SPTBN4: variants seen among roughly 807,000 people sequenced by gnomAD.
The protein encoded by SPTBN4 is spectrin beta, non-erythrocytic 4, also known as spectrin beta chain, non-erythrocytic 4.
In SPTBN4, 96 loss-of-function variants were observed where a neutral mutation model predicts 277.8. That is an observed-to-expected ratio of 0.35 (90% confidence interval 0.29 to 0.41). The LOEUF is 0.41. Ranked by LOEUF, SPTBN4 falls within the 10% of genes least tolerant of loss-of-function variation. SPTBN4 has a pLI of 1.00. For missense variants in SPTBN4, 3,006 were observed against 3,595.7 expected, an observed-to-expected ratio of 0.84 and a Z score of 4.19; for synonymous variants, 1,481 against 1,580.3, an observed-to-expected ratio of 0.94 and a Z score of 1.49.
At chr19:40,483,007 TATACACACACACAC>T (rs1418464289) in intron 2 of SPTBN4, among the ~76,000 whole-genome samples, 25 of 151,652 alleles carry the variant, frequency 1.6e-4, no homozygotes, top group Non-Finnish European at 3.5e-4. Context: ...AATATATATG[TATACACACACACAC>T]ATAGACACAC....
intron 3 of SPTBN4, among the ~76,000 whole-genome samples, chr19:40,488,871 C>T (rs1159241751): frequency 6.6e-6 from 1 of 151,700 alleles, no homozygotes. Flanking sequence ...CTATGTTGCC[C>T]AGGCTGATCT....
intron 2 of SPTBN4, among the ~76,000 whole-genome samples, chr19:40,474,414 A>G (rs2079923693): frequency 6.6e-6 from 1 of 150,872 alleles, no homozygotes; most frequent in South Asian, 2.1e-4. Flanking sequence ...GCCAACCAGT[A>G]CAGTGGGTCA....
chr19:40,556,384 C>A, intron 25 of SPTBN4, 96 bp downstream of exon 25: 1 of 1,111,810 alleles, frequency 9.0e-7, no homozygotes. Context: ...ATAACAGCAC[C>A]CGCCTCATGG....
At position 40,515,235 on chromosome 19, in the gene SPTBN4, T is replaced by C; in HGVS notation, c.2766-76T>C. On this transcript the variant is annotated intron_variant, in intron 14 of 35. Coordinates refer to ENST00000598249, the MANE Select transcript of SPTBN4 (RefSeq NM_020971.3). The surrounding 1 kb of genome is among the most constrained non-coding windows in gnomAD (Gnocchi z 4.1). The stretch of plus-strand genomic sequence containing the variant: ...AGAAGGGTGGATTGAGAATTAGGAG[T>C]AGAACCAGTAGAAGGTATTTCATAA... The C allele has an allele frequency of 6.6e-7, 1 of 1,521,070 alleles. No individual in the cohort carries two copies. 94.2% of individuals were successfully genotyped at this position (1,521,070 alleles called of 1,614,324 possible).
Position 40,504,146 on chromosome 19 carries a change from G to C in SPTBN4, c.1665+14G>C, listed in dbSNP as rs758805646. ...GAGGAGATGCAGGTGCCGGCGGGGG[G>C]GCGGGGATGCGGGTGGAGTGCCAGG... On this transcript the variant is annotated intron_variant, in intron 12 of 35. Transcript: ENST00000598249. 4 of 1,135,660 alleles carry C rather than the reference G, an allele frequency of 3.5e-6. 1 individual carries two copies. The highest frequency in any genetic ancestry group is 1.3e-5 in the South Asian group (1 of 76,838). 70.3% of individuals were successfully genotyped at this position (1,135,660 alleles called of 1,614,324 possible).
At chr19:40,472,055 C>T (rs901915904) in intron 1 of SPTBN4, among the ~76,000 whole-genome samples, 3 of 152,034 alleles carry the variant, frequency 2.0e-5, no homozygotes, top group African/African-American at 7.2e-5. Flanking sequence ...GGATTACAGG[C>T]ATACTCCACC....
chr19:40,514,108 G>A (rs1419192070), intron 14 of SPTBN4, among the ~76,000 whole-genome samples: 1 of 152,208 alleles, frequency 6.6e-6, no homozygotes, highest in South Asian at 2.1e-4. Context: ...TTAGCAATGA[G>A]TTGTTCAATT....
At chr19:40,550,700 G>T (rs773604910) in intron 22 of SPTBN4, among the ~76,000 whole-genome samples, 1 of 151,912 alleles carries the variant, frequency 6.6e-6, no homozygotes, top group South Asian at 2.1e-4. Context: ...ATGGACGGCG[G>T]GGGGTGGGGT....
Position 40,554,224 on chromosome 19 carries a change from G to C in SPTBN4, c.4752G>C (p.Leu1584=), listed in dbSNP as rs1038457189. 1.3e-6 allele frequency: 2 copies of C among 1,507,362 alleles called. No homozygotes were observed. The highest frequency in any genetic ancestry group is 4.3e-5 in the Admixed American group (2 of 46,330). 93.4% of individuals were successfully genotyped at this position (1,507,362 alleles called of 1,614,324 possible). A position where few individuals can be genotyped will look rare whatever the true frequency, so the allele number is the denominator to read the frequency against. ...VLERAGALAS[L]RSPEAEAVRR... is the part of the protein sequence containing the mutation. ...AGCGCGCGGGCGCGCTGGCGTCGCT[G>C]CGCAGCCCGGAGGCAGAGGCAGTGC... is the stretch of plus-strand genomic sequence containing the variant. The change falls in exon 23 of 36, where the codon CTG becomes CTC. Residue 1584 remains leucine (L), a synonymous_variant. Coordinates refer to ENST00000598249, the MANE Select transcript of SPTBN4 (RefSeq NM_020971.3). This position sits in a 1 kb window ranked among gnomAD's most constrained non-coding sequence, Gnocchi z 5.7.
chr19:40,484,510 G>T (rs2080046758), intron 2 of SPTBN4, among the ~76,000 whole-genome samples: 1 of 152,164 alleles, frequency 6.6e-6, no homozygotes, highest in Non-Finnish European at 1.5e-5. Context: ...AGCTCAGAGA[G>T]GTCAGTGTAC....
Position 40,515,183 on chromosome 19 carries a change from A to G in SPTBN4, c.2766-128A>G. On this transcript the variant is annotated intron_variant, in intron 14 of 35. Coordinates refer to ENST00000598249, the MANE Select transcript of SPTBN4 (RefSeq NM_020971.3). This position sits in a 1 kb window ranked among gnomAD's most constrained non-coding sequence, Gnocchi z 4.1. Reference sequence around the variant, plus strand: ...AAATAAAATAAGCAGCAAGTAGAAGAGAAGGAGCCCACAAAGGAGGCTGAA... The same window carrying G: ...AAATAAAATAAGCAGCAAGTAGAAGGGAAGGAGCCCACAAAGGAGGCTGAA... 6.5e-6 allele frequency: 4 copies of G among 617,282 alleles called. No homozygotes were observed. The highest frequency in any genetic ancestry group is 8.9e-6 in the Non-Finnish European group (4 of 450,546). The allele number at this position is 617,282 out of a possible 1,614,324, so 38.2% of individuals were successfully genotyped here.
chr19:40,521,038 C>T (rs1419065669), intron 16 of SPTBN4, among the ~76,000 whole-genome samples: 1 of 152,092 alleles, frequency 6.6e-6, no homozygotes, highest in Non-Finnish European at 1.5e-5. Context: ...GATTCTCCTG[C>T]CTCAGCCTCC....
intron 20 of SPTBN4, among the ~76,000 whole-genome samples, chr19:40,547,827 T>C (rs192428441): frequency 2.5e-4 from 38 of 152,358 alleles, no homozygotes; most frequent in African/African-American, 6.5e-4. Flanking sequence ...TGCAGAAGTA[T>C]TTTTATGTGA....
chr19:40,527,381 T>C (rs1445488966), intron 17 of SPTBN4, among the ~76,000 whole-genome samples: 2 of 152,122 alleles, frequency 1.3e-5, no homozygotes, highest in East Asian at 1.9e-4. Context: ...TTTCTAAGCA[T>C]TGGGGACACA....
chr19:40,531,156 G>T (rs562329713), intron 18 of SPTBN4, among the ~76,000 whole-genome samples: 11 of 152,002 alleles, frequency 7.2e-5, no homozygotes, highest in Non-Finnish European at 1.6e-4. Flanking sequence ...CATCATGAAG[G>T]AATCACTTTT....
chr19:40,558,283 G>A (rs1481334745), intron 26 of SPTBN4, among the ~76,000 whole-genome samples: 1 of 151,912 alleles, frequency 6.6e-6, no homozygotes, highest in African/African-American at 2.4e-5. Flanking sequence ...CTTGAACCCG[G>A]GAGGCGGAGG....
At chr19:40,539,062 T>C (rs577885878) in intron 20 of SPTBN4, among the ~76,000 whole-genome samples, 1 of 151,974 alleles carries the variant, frequency 6.6e-6, no homozygotes, top group African/African-American at 2.4e-5. Context: ...GGTCTCAAGA[T>C]CCCGGGCTGA....
intron 7 of SPTBN4, among the ~76,000 whole-genome samples, chr19:40,498,406 TTTATTTATTTA>T (rs1199741651): frequency 1.1e-4 from 16 of 150,116 alleles, no homozygotes; most frequent in Non-Finnish European, 2.1e-4. Flanking sequence ...TATTTATTTA[TTTATTTATTTA>T]TTTTTTTAGA....
At chr19:40,529,321 C>T (rs973400973) in intron 18 of SPTBN4, among the ~76,000 whole-genome samples, 190 bp downstream of exon 18, 2 of 152,238 alleles carry the variant, frequency 1.3e-5, no homozygotes, top group African/African-American at 4.8e-5. Flanking sequence ...CCGCCCACGC[C>T]GACTCCGGGA....
Sources: gnomAD v4.1 joint callset for allele counts (sites outside exome capture counted in the v4.1 genomes callset) on GRCh38, gnomAD v4.1.1 for gene constraint, Gnocchi (gnomAD v3.1) non-coding constraint, MANE v1.5 for transcripts, NCBI Gene and HGNC (gene_info 2026-07-23, HGNC 2026-07-21) for gene names.